Variants in CTNNA3 observed in about 807,000 individuals in gnomAD.
CTNNA3 encodes catenin alpha 3, also known as catenin alpha-3.
Under a neutral mutation model 95.7 loss-of-function variants are expected in CTNNA3, and 76 were observed. That is an observed-to-expected ratio of 0.79 (90% CI 0.66 to 0.96). The LOEUF (loss-of-function observed/expected upper bound fraction) is 0.96. Ranked by LOEUF, CTNNA3 falls within the 40% of genes least tolerant of loss-of-function variation. The pLI is 0.00. For missense variants in CTNNA3, 1,191 were observed against 1,089.8 expected (o/e 1.09, Z -1.31); for synonymous variants, 431 against 374.4 (o/e 1.15, Z -1.74).
At chr10:67,298,785 G>A (rs1454537342) in intron 5 of CTNNA3, among the ~76,000 whole-genome samples, 2 of 152,170 alleles carry the variant, frequency 1.3e-5, no homozygotes, top group Non-Finnish European at 2.9e-5. Flanking sequence ...TTGCACAACT[G>A]GAACTATATG....
At chr10:66,338,694 G>A (rs560656428) in intron 12 of CTNNA3, among the ~76,000 whole-genome samples, 42 of 151,818 alleles carry the variant, frequency 2.8e-4, no homozygotes, top group African/African-American at 9.9e-4. Flanking sequence ...GATCAGGGAG[G>A]CAGGTTGTTA....
At chr10:66,433,308 C>G (rs750061252) in intron 11 of CTNNA3, among the ~76,000 whole-genome samples, 2 of 152,166 alleles carry the variant, frequency 1.3e-5, no homozygotes, top group Admixed American at 6.5e-5. Context: ...TTTCCACCGT[C>G]TGTTGTTTCC....
chr10:67,585,821 C>A (rs1006559958), intron 3 of CTNNA3, among the ~76,000 whole-genome samples: 2 of 151,888 alleles, frequency 1.3e-5, no homozygotes, highest in Non-Finnish European at 2.9e-5. Flanking sequence ...GTCTCTAATT[C>A]ATTTAATTCT....
intron 9 of CTNNA3, among the ~76,000 whole-genome samples, chr10:66,707,692 G>A (rs567048233): frequency 6.6e-6 from 1 of 152,104 alleles, no homozygotes; most frequent in South Asian, 2.1e-4. Flanking sequence ...AATTTCTTGG[G>A]TGGAAATACA....
chr10:66,373,605 A>AG (rs2092770378), intron 12 of CTNNA3, among the ~76,000 whole-genome samples: 1 of 151,854 alleles, frequency 6.6e-6, no homozygotes. Context: ...TTGTGTTAAA[A>AG]AAAAAAAAGA....
rs150334604 is a variant in CTNNA3 at position 67,683,872 on chromosome 10, G to A, written c.-6+12128C>T. On this transcript the variant is annotated intron_variant, in intron 1 of 17. Coordinates refer to ENST00000433211, the MANE Select transcript of CTNNA3 (RefSeq NM_013266.4). ...TACAGCTCTTAAAGGCGGCATATCC[G>A]GAGTGGTTTGTTCCTCCCGATGGGT... 6.3e-4 allele frequency among the ~76,000 whole-genome samples: 96 copies of A among 151,864 alleles called. 2 individuals are homozygous for A. Among genetic ancestry groups the A allele is most frequent in the African/African-American group, 2.1e-3 (88 of 41,324 alleles).
intron 12 of CTNNA3, among the ~76,000 whole-genome samples, chr10:66,326,705 G>A (rs140688726): frequency 6.6e-6 from 1 of 151,926 alleles, no homozygotes; most frequent in Admixed American, 6.6e-5. Context: ...GTGTATTGGG[G>A]GTAGCGGGAG....
chr10:67,690,971 C>T (rs1362513560), intron 1 of CTNNA3, among the ~76,000 whole-genome samples: 8 of 152,196 alleles, frequency 5.3e-5, no homozygotes, highest in South Asian at 2.1e-4. Flanking sequence ...GCTGCCATCT[C>T]GGCTCACTGC....
At chr10:67,346,614 G>C in intron 5 of CTNNA3, 1 of 438,458 alleles carries the variant, frequency 2.3e-6, no homozygotes, top group Non-Finnish European at 4.6e-6. Flanking sequence ...ACTGTATATG[G>C]ACAAGTAGAA....
chr10:66,450,012 T>C (rs2093452036), intron 11 of CTNNA3, among the ~76,000 whole-genome samples: 1 of 151,790 alleles, frequency 6.6e-6, no homozygotes, highest in Non-Finnish European at 1.5e-5. Context: ...AGTTCATAAT[T>C]TTTTTTGAGG....
At chr10:67,544,433 A>T (rs567873421) in intron 3 of CTNNA3, among the ~76,000 whole-genome samples, 19,667 of 152,230 alleles carry the variant, frequency 0.13, 1,570 homozygotes, top group East Asian at 0.3. Context: ...GGAAGGGGAA[A>T]CCAAGGCAGA....
At chr10:67,291,815 T>C (rs1052317692) in intron 5 of CTNNA3, among the ~76,000 whole-genome samples, 8 of 152,198 alleles carry the variant, frequency 5.3e-5, no homozygotes, top group Admixed American at 4.6e-4. Context: ...AAGGGAAAAC[T>C]CCTTCAGCCT....
chr10:67,489,788 T>A (rs1021466823), intron 5 of CTNNA3, among the ~76,000 whole-genome samples: 9 of 142,464 alleles, frequency 6.3e-5, no homozygotes, highest in Non-Finnish European at 9.0e-5. Context: ...ATACATGATT[T>A]TATATATATA....
intron 11 of CTNNA3, among the ~76,000 whole-genome samples, chr10:66,518,901 T>C (rs1840957252): frequency 6.6e-6 from 1 of 152,042 alleles, no homozygotes; most frequent in Non-Finnish European, 1.5e-5. Context: ...TTAGCATACA[T>C]TTCATTTTCA....
intron 7 of CTNNA3, chr10:67,098,895 A>G (rs1185466910): frequency 6.6e-6 from 1 of 151,844 alleles, no homozygotes; most frequent in Non-Finnish European, 1.5e-5. Context: ...TTTATTTAGA[A>G]CTGTGAGACC....
intron 11 of CTNNA3, among the ~76,000 whole-genome samples, chr10:66,381,367 A>C (rs1564913330): frequency 6.6e-6 from 1 of 152,200 alleles, no homozygotes. Flanking sequence ...GTTGTTTAGG[A>C]TTCACATAAA....
chr10:67,512,085 C>G (rs1418955276), intron 5 of CTNNA3, among the ~76,000 whole-genome samples: 2 of 151,882 alleles, frequency 1.3e-5, no homozygotes, highest in African/African-American at 4.8e-5. Flanking sequence ...AGAAATTTTT[C>G]AAAGAAAGCA....
intron 7 of CTNNA3, among the ~76,000 whole-genome samples, chr10:66,936,430 A>G (rs1359479581): frequency 6.6e-6 from 1 of 151,526 alleles, no homozygotes; most frequent in African/African-American, 2.4e-5. Context: ...CATTCCTTCT[A>G]TTTTCCTATT....
chr10:66,486,614 C>T (rs1839736580), intron 11 of CTNNA3, among the ~76,000 whole-genome samples: 1 of 151,978 alleles, frequency 6.6e-6, no homozygotes, highest in African/African-American at 2.4e-5. Context: ...GTGCTACAGC[C>T]ATTATGGAAA....
Sources: allele counts gnomAD v4.1 joint callset (sites outside exome capture counted in the v4.1 genomes callset), GRCh38; gene constraint gnomAD v4.1.1; transcripts MANE v1.5; gene names NCBI Gene and HGNC (gene_info 2026-07-23, HGNC 2026-07-21).